The following MYH11 variants were observed in gnomAD, a reference collection of about 807,000 sequenced individuals.
The protein encoded by MYH11 is myosin-11.
A neutral mutation model predicts 246.6 loss-of-function variants in MYH11; 80 were observed. The observed-to-expected ratio is 0.32, with a 90% confidence interval of 0.27 to 0.39. The LOEUF is 0.39. Ranked by LOEUF, MYH11 falls within the 10% of genes least tolerant of loss-of-function variation. The probability of loss-of-function intolerance (pLI) is 1.00; values close to 1 mark genes in which losing one functional copy is unlikely to be tolerated. For missense variants in MYH11, 2,158 were observed against 2,546.8 expected, an observed-to-expected ratio of 0.85 and a Z score of 3.29; for synonymous variants, 1,071 against 1,015.5, an observed-to-expected ratio of 1.05 and a Z score of -1.04.
At chr16:15,784,171 C>G (rs901323140) in intron 5 of MYH11, among the ~76,000 whole-genome samples, 1 of 151,926 alleles carries the variant, frequency 6.6e-6, no homozygotes, top group African/African-American at 2.4e-5. Context: ...AAGAGACAGA[C>G]ACGCACTGCA....
At chr16:15,803,850 G>A (rs993555164) in intron 3 of MYH11, among the ~76,000 whole-genome samples, 4 of 152,142 alleles carry the variant, frequency 2.6e-5, no homozygotes, top group Non-Finnish European at 5.9e-5. Flanking sequence ...GCGCGGCTCC[G>A]AGCTGGGGGC....
chr16:15,811,715 G>A (rs1387473911), intron 3 of MYH11, among the ~76,000 whole-genome samples: 1 of 152,082 alleles, frequency 6.6e-6, no homozygotes, highest in Non-Finnish European at 1.5e-5. Flanking sequence ...GTGGGAACTT[G>A]CAAAGTGGAG....
chr16:15,715,367 G>GATACGGGGCTCAGGAA, intron 38 of MYH11, 95 bp from the exon 39 acceptor site: 1 of 1,128,590 alleles, frequency 8.9e-7, no homozygotes, highest in Non-Finnish European at 1.3e-6. Flanking sequence ...GTGCTTTCCT[G>GATACGGGGCTCAGGAA]AGCCCCGTAT....
chr16:15,855,253 A>C (rs949797737), intron 1 of MYH11, among the ~76,000 whole-genome samples: 4 of 152,224 alleles, frequency 2.6e-5, no homozygotes, highest in Admixed American at 6.5e-5. Context: ...CAGCCCACCT[A>C]GGGTCACTGG....
At chr16:15,719,957 ATACC>A (rs749856978) in intron 34 of MYH11, among the ~76,000 whole-genome samples, 190 bp downstream of exon 34, 1 of 152,106 alleles carries the variant, frequency 6.6e-6, no homozygotes, top group Non-Finnish European at 1.5e-5. Flanking sequence ...CAGTGGCCAA[ATACC>A]TAATAATGCT....
intron 9 of MYH11, among the ~76,000 whole-genome samples, chr16:15,767,451 C>G (rs767430008): frequency 2.6e-5 from 4 of 152,068 alleles, no homozygotes; most frequent in Non-Finnish European, 5.9e-5. Context: ...CACCTGGAAC[C>G]TGTGAATGTG....
chr16:15,705,898 T>A (rs2151164403), intron 40 of MYH11, among the ~76,000 whole-genome samples: 2 of 141,340 alleles, frequency 1.4e-5, no homozygotes, highest in African/African-American at 5.3e-5. Context: ...GGCAGGAGAA[T>A]GACATGAACC....
rs111494365 is a variant in MYH11, at chr16:15,820,346, T to C, written c.502+2909A>G. Among the ~76,000 whole-genome samples, 126 of 152,052 alleles carry C rather than the reference T, an allele frequency of 8.3e-4. 1 individual carries two copies. Among genetic ancestry groups the C allele is most frequent in the Middle Eastern group, 6.8e-3 (2 of 294 alleles). On this transcript the variant is annotated intron_variant, in intron 3 of 40. Transcript: ENST00000300036. ...AAAATTAGCCGGGTGTGGTGGCACA[T>C]GCCTATAATCCCAGTTACTTGGGAG...
chr16:15,756,181 T>C (rs565512530), intron 14 of MYH11, among the ~76,000 whole-genome samples, 160 bp downstream of exon 14: 3 of 152,308 alleles, frequency 2.0e-5, no homozygotes, highest in African/African-American at 7.2e-5. Flanking sequence ...TACAGATGCG[T>C]AGACAAATTA....
chr16:15,850,810 G>T (rs142846677), intron 1 of MYH11, among the ~76,000 whole-genome samples: 1 of 152,150 alleles, frequency 6.6e-6, no homozygotes, highest in Non-Finnish European at 1.5e-5. Flanking sequence ...TGGGAAGATC[G>T]CTTGAGCCTG....
intron 3 of MYH11, among the ~76,000 whole-genome samples, chr16:15,806,279 CAAAAAAAAAAAA>C (rs71134463): frequency 8.2e-5 from 5 of 61,124 alleles, no homozygotes; most frequent in East Asian, 7.4e-4. Flanking sequence ...CACTCTGTCT[CAAAAAAAAAAAA>C]AAAAAAAAAA....
intron 19 of MYH11, among the ~76,000 whole-genome samples, chr16:15,746,094 T>G (rs1395040970): frequency 1.3e-5 from 2 of 149,550 alleles, no homozygotes; most frequent in African/African-American, 4.9e-5. Context: ...TTTTTAAAGT[T>G]TTTTTTTTTT....
intron 3 of MYH11, among the ~76,000 whole-genome samples, chr16:15,809,014 C>A (rs982282382): frequency 1.3e-5 from 2 of 152,154 alleles, no homozygotes; most frequent in Non-Finnish European, 2.9e-5. Context: ...TCTCCCCCTT[C>A]TCTCTGCTCC....
intron 4 of MYH11, among the ~76,000 whole-genome samples, chr16:15,794,101 GC>G (rs1472812797): frequency 3.4e-5 from 5 of 146,902 alleles, no homozygotes; most frequent in Non-Finnish European, 6.0e-5. Flanking sequence ...CCGCCACCAT[GC>G]CCAGCTAATT....
chr16:15,761,621 T>G (rs146774341), intron 10 of MYH11, among the ~76,000 whole-genome samples: 3,591 of 152,330 alleles, frequency 0.024, 71 homozygotes, highest in South Asian at 0.072. Context: ...TGCAGTGGTG[T>G]GACCACGAGC....
chr16:15,759,869 G>T (rs2041826792), intron 11 of MYH11, 141 bp from the exon 12 acceptor site: 20 of 1,072,760 alleles, frequency 1.9e-5, no homozygotes, highest in African/African-American at 4.8e-5. Flanking sequence ...GGCCGAGGCA[G>T]GTGGGTCACT....
At position 15,735,376 on chromosome 16, in the gene MYH11, G is replaced by C. The variant is rs1451088454; in HGVS notation, c.3496C>G (p.Gln1166Glu). ...EDTLDSTATQQELRAKREQEV... is the reference protein window; with the variant it reads ...EDTLDSTATQEELRAKREQEV... ...TGATGGGCCCCTCACCTGAGCTCCT[G>C]CTGAGTGGCTGTGCTGTCCAGTGTG... Residue 1166 changes from glutamine to glutamate, a missense_variant, in exon 26 of 41, where the codon CAG becomes GAG. By Grantham distance (29) the Gln-to-Glu change is conservative. Coordinates refer to ENST00000300036, the MANE Select transcript of MYH11 (RefSeq NM_002474.3). 6.2e-7 allele frequency: 1 copy of C among 1,613,834 alleles called. No homozygotes were observed. Among genetic ancestry groups the C allele is most frequent in the Non-Finnish European group, 8.5e-7 (1 of 1,180,020 alleles).
chr16:15,793,088 C>T (rs989481963), intron 4 of MYH11, among the ~76,000 whole-genome samples: 6 of 152,048 alleles, frequency 3.9e-5, no homozygotes, highest in African/African-American at 1.5e-4. Flanking sequence ...TGGAAGCACC[C>T]CCTTACCTCT....
At position 15,823,331 on chromosome 16, in the gene MYH11, G is replaced by A; in HGVS notation, c.426C>T (p.Tyr142=). The A allele has an allele frequency of 6.2e-7, 1 of 1,614,218 alleles. No individual in the cohort carries two copies. Among genetic ancestry groups the A allele is most frequent in the Non-Finnish European group, 8.5e-7 (1 of 1,180,036 alleles). ...GCATCTCGTGCCTCTTCTTGCCCTT[G>A]TACATGTCGACGATCTTCTCCGAGT... The part of the protein sequence containing the change: ...PIYSEKIVDM[Y]KGKKRHEMPP... Residue 142 remains tyrosine, a synonymous_variant, in exon 3 of 41, where the codon TAC becomes TAT. Coordinates refer to ENST00000300036, the MANE Select transcript of MYH11 (RefSeq NM_002474.3).
Sources: allele counts gnomAD v4.1 joint callset (sites outside exome capture counted in the v4.1 genomes callset), GRCh38; gene constraint gnomAD v4.1.1; transcripts MANE v1.5; gene names NCBI Gene and HGNC (gene_info 2026-07-23, HGNC 2026-07-21).